The following VPS13A variants were observed in gnomAD, a reference collection of about 807,000 sequenced individuals.
VPS13A encodes vacuolar protein sorting 13 homolog A.
VPS13A carries 264 observed loss-of-function variants against 390.9 expected under a neutral mutation model. The ratio of observed to expected loss-of-function variants is 0.68; its 90% confidence interval spans 0.61 to 0.75. The LOEUF is 0.75. Among genes scored for constraint, VPS13A ranks in the 30% least tolerant of loss-of-function variants. The pLI is 0.00. For missense variants in VPS13A, 3,409 were observed against 3,733.9 expected, an observed-to-expected ratio of 0.91 and a Z score of 2.27; for synonymous variants, 1,231 against 1,227.1, an observed-to-expected ratio of 1.00 and a Z score of -0.07.
In VPS13A at chr9:77,282,196, C is replaced by T; in HGVS notation, c.3040C>T (p.Leu1014Phe). ...TACAATAAATTATCTTCATAATATCCTTCCGCAATCAGAGGAAAAATCAGC... is the reference window on the plus strand; with the variant it reads ...TACAATAAATTATCTTCATAATATCTTTCCGCAATCAGAGGAAAAATCAGC... ...LNTINYLHNILPQSEEKSAPV... is the reference protein window; with the variant it reads ...LNTINYLHNIFPQSEEKSAPV... Residue 1014 changes from leucine (L) to phenylalanine (F), a missense_variant, in exon 29 of 72, where the codon CTT (leucine) becomes TTT (phenylalanine). By Grantham distance (22) the Leu-to-Phe change is conservative (BLOSUM62 0). Around this residue, in one of 5 missense-constraint regions of VPS13A, gnomAD observed 2,717 missense variants for 2,917.4 expected, o/e 0.93. Coordinates refer to ENST00000360280, the MANE Select transcript of VPS13A (RefSeq NM_033305.3). 6.2e-7 allele frequency: 1 copy of T among 1,613,350 alleles called. No homozygotes were observed. Among genetic ancestry groups the T allele is most frequent in the Non-Finnish European group, 8.5e-7 (1 of 1,179,576 alleles).
chr9:77,417,361 A>G lies in VPS13A; in HGVS notation c.*1355A>G, dbSNP rs536875989. On this transcript the variant is annotated 3_prime_UTR_variant, in exon 72 of 72. Coordinates refer to ENST00000360280, the MANE Select transcript of VPS13A (RefSeq NM_033305.3). ...AAAGCTAAAATAAACAGCATGCTATATTGTAATTGTATTTCTTGCTGACCA... is the reference window on the plus strand; with the variant it reads ...AAAGCTAAAATAAACAGCATGCTATGTTGTAATTGTATTTCTTGCTGACCA... 6.6e-6 allele frequency: 1 copy of G among 152,290 alleles called. No individual in the cohort carries two copies. The highest frequency in any genetic ancestry group is 2.1e-4 in the South Asian group (1 of 4,828). 9.4% of individuals were successfully genotyped at this position (152,290 alleles called of 1,614,324 possible). A position where few individuals can be genotyped will look rare whatever the true frequency, so the allele number is the denominator to read the frequency against.
rs62573229 is a variant in VPS13A, at chr9:77,332,371, T to C, written c.6095+258T>C. The stretch of plus-strand genomic sequence containing the variant: ...TATAACCGTCATAAGCATAGTCATA[T>C]GATTATGAGTTTTAAAAATGTCTAA... On this transcript the variant is annotated intron_variant, in intron 46 of 71. Coordinates refer to ENST00000360280, the MANE Select transcript of VPS13A (RefSeq NM_033305.3). 0.061 allele frequency among the ~76,000 whole-genome samples: 9,339 copies of C among 152,050 alleles called. 346 individuals carry two copies. Among genetic ancestry groups the C allele is most frequent in the Non-Finnish European group, 0.088 (5,953 of 67,898 alleles).
chr9:77,253,016 A>T (rs1179066217), intron 22 of VPS13A, among the ~76,000 whole-genome samples: 1 of 152,186 alleles, frequency 6.6e-6, no homozygotes. Context: ...TTGCTGGATC[A>T]TATTATAGTT....
chr9:77,180,256 A>T (rs1336128115), intron 1 of VPS13A, among the ~76,000 whole-genome samples: 3 of 152,240 alleles, frequency 2.0e-5, no homozygotes, highest in Non-Finnish European at 4.4e-5. Flanking sequence ...GCTGGGTCAT[A>T]TGCTGACTTT....
intron 10 of VPS13A, among the ~76,000 whole-genome samples, 195 bp downstream of exon 10, chr9:77,214,581 A>G (rs1028863223): frequency 6.6e-6 from 1 of 152,148 alleles, no homozygotes; most frequent in African/African-American, 2.4e-5. Flanking sequence ...GCTTTTGACT[A>G]TATTTCAAAA....
At chr9:77,379,977 C>T (rs2131609879) in intron 67 of VPS13A, among the ~76,000 whole-genome samples, 1 of 151,958 alleles carries the variant, frequency 6.6e-6, no homozygotes, top group African/African-American at 2.4e-5. Flanking sequence ...GGTGGTATTG[C>T]CTTTTTGTCT....
Position 77,345,062 on chromosome 9 carries a change from A to C in VPS13A, c.7209A>C (p.Thr2403=), listed in dbSNP as rs2131523827. 2 of 1,613,268 alleles carry C rather than the reference A, an allele frequency of 1.2e-6. No homozygotes were observed. Among genetic ancestry groups the C allele is most frequent in the East Asian group, 4.5e-5 (2 of 44,792 alleles). ...VNLAEHSTVI[T]FLDYHDGAAT... ...TGGCCGAGCATTCTACAGTTATTAC[A>C]TTTTTAGATTATCATGATGGAGCAG... The change falls in exon 52 of 72, where the codon ACA becomes ACC. Residue 2403 remains threonine (T), a synonymous_variant. Transcript: ENST00000360280.
chr9:77,197,500 C>CGTT (rs1825072897), intron 1 of VPS13A, among the ~76,000 whole-genome samples: 1 of 152,028 alleles, frequency 6.6e-6, no homozygotes, highest in Admixed American at 6.6e-5. Context: ...TCGGTTTTAT[C>CGTT]ATTATATAAT....
rs141211631 is a variant in VPS13A at position 77,206,533 on chromosome 9, G to C, written c.385+454G>C. Among the ~76,000 whole-genome samples, 1,146 of 151,708 alleles carry C rather than the reference G, an allele frequency of 7.6e-3. 17 individuals carry two copies. Among genetic ancestry groups the C allele is most frequent in the African/African-American group, 0.026 (1,071 of 41,370 alleles). ...CCTCTATCTGTTTATTTACCCTCTG[G>C]CTTCACATATTTTCCAATTAAACTT... On this transcript the variant is annotated intron_variant, in intron 5 of 71. Coordinates refer to ENST00000360280, the MANE Select transcript of VPS13A (RefSeq NM_033305.3).
At chr9:77,335,264 TATA>T (rs1830477756) in intron 46 of VPS13A, among the ~76,000 whole-genome samples, 1 of 152,320 alleles carries the variant, frequency 6.6e-6, no homozygotes, top group African/African-American at 2.4e-5. Flanking sequence ...AATATTCAAA[TATA>T]AAGATTAACC....
chr9:77,214,501 ATG>A (rs1463330868), intron 10 of VPS13A, 115 bp downstream of exon 10: 1 of 744,244 alleles, frequency 1.3e-6, no homozygotes, highest in African/African-American at 1.8e-5. Context: ...ATATAGTTAA[ATG>A]TATTTATAAT....
At chr9:77,366,633 G>C in intron 60 of VPS13A, 94 bp from the exon 61 acceptor site, 1 of 1,070,902 alleles carries the variant, frequency 9.3e-7, no homozygotes, top group South Asian at 1.5e-5. Flanking sequence ...CTTATTTATG[G>C]TGTAGTGAAT....
rs757651034 is a variant in VPS13A at position 77,276,180 on chromosome 9, C to A, written c.2783C>A (p.Ala928Asp). 6.2e-7 allele frequency: 1 copy of A among 1,609,694 alleles called. No individual in the cohort carries two copies. The highest frequency in any genetic ancestry group is 8.5e-7 in the Non-Finnish European group (1 of 1,178,036). ...EIRTYDLKANAFLKEFCLKCP... is the reference protein window; with the variant it reads ...EIRTYDLKANDFLKEFCLKCP... ...AGAACATACGATTTGAAAGCAAATG[C>A]CTTTTTGAAAGAGTTCTGCTTAAAA... The change falls in exon 26 of 72, where the codon GCC becomes GAC. Residue 928 changes from alanine to aspartate, a missense_variant. By Grantham distance (126) the Ala-to-Asp change is moderately radical. This residue lies in a region of VPS13A where 2,717 missense variants were observed against 2,917.4 expected (regional missense o/e 0.93). Coordinates refer to ENST00000360280, the MANE Select transcript of VPS13A (RefSeq NM_033305.3).
intron 24 of VPS13A, among the ~76,000 whole-genome samples, chr9:77,274,426 CA>C (rs889400152): frequency 2.7e-3 from 165 of 62,224 alleles, no homozygotes; most frequent in East Asian, 9.8e-3. Context: ...GAGTCCGAAT[CA>C]AAAAAAAAAA....
chr9:77,194,279 GTGC>G lies in VPS13A; in HGVS notation c.101-5662_101-5660del, dbSNP rs1356504640. On this transcript the variant is annotated intron_variant, in intron 1 of 71. Transcript: ENST00000360280. Reference sequence around the variant, plus strand: ...GAGCTATAGTGGTGGCTGTCGGGAAGTGCTGCGGTTGGGCATCAGCGTCCATTG... The same window carrying G: ...GAGCTATAGTGGTGGCTGTCGGGAAGTGCGGTTGGGCATCAGCGTCCATTG... Among the ~76,000 whole-genome samples, 7 of 152,180 alleles carry G rather than the reference GTGC, an allele frequency of 4.6e-5. No individual in the cohort carries two copies. In the South Asian group the frequency reaches 1.5e-3, roughly 32 times the overall value.
chr9:77,250,115 T>C lies in VPS13A; in HGVS notation c.2056T>C (p.Ser686Pro), dbSNP rs1438522743. The C allele has an allele frequency of 6.2e-7, 1 of 1,613,880 alleles. No individual in the cohort carries two copies. Residue 686 changes from serine to proline, a missense_variant, in exon 21 of 72, where the codon TCT becomes CCT. Ser to Pro is a moderately conservative substitution (Grantham distance 74, BLOSUM62 -1). Transcript: ENST00000360280. ...CTTGAAGGTGACGAGTAAAAGTCGT[T>C]CTGAATTACCAGATGTGAAACAAGG... ...GHLKVTSKSR[S>P]ELPDVKQGEA...
intron 34 of VPS13A, 152 bp downstream of exon 34, chr9:77,303,214 A>T: frequency 3.5e-6 from 3 of 845,956 alleles, no homozygotes; most frequent in Non-Finnish European, 5.5e-6. Flanking sequence ...ATTCATTTTA[A>T]AATGGTCTTG....
At chr9:77,353,294 T>C (rs1320419702) in intron 53 of VPS13A, 115 bp from the exon 54 acceptor site, 2 of 743,714 alleles carry the variant, frequency 2.7e-6, no homozygotes, top group Non-Finnish European at 4.5e-6. Flanking sequence ...ACTAACCCCA[T>C]GAAGTAGGTG....
rs1035654238 is a variant in VPS13A, at chr9:77,233,109, T to A, written c.1595+4845T>A. ...TAGAAAAGTTTTACTTCCTATTAGT[T>A]ATCTGATTTTCTATTTCTTCTCGAG... On this transcript the variant is annotated intron_variant, in intron 17 of 71. Coordinates refer to ENST00000360280, the MANE Select transcript of VPS13A (RefSeq NM_033305.3). 6.6e-5 allele frequency among the ~76,000 whole-genome samples: 10 copies of A among 152,260 alleles called. No homozygotes were observed. In the East Asian group the frequency reaches 1.9e-3, roughly 29 times the overall value.
Sources: allele counts gnomAD v4.1 joint callset (sites outside exome capture counted in the v4.1 genomes callset), GRCh38; gene constraint gnomAD v4.1.1; regional missense constraint gnomAD v4.1.1; transcripts MANE v1.5; gene names NCBI Gene and HGNC (gene_info 2026-07-23, HGNC 2026-07-21).